Variants in GRID2 observed in about 807,000 individuals in gnomAD.
GRID2 encodes glutamate receptor ionotropic, delta-2.
GRID2 carries 33 observed loss-of-function variants against 114.8 expected under a neutral mutation model. The observed-to-expected ratio is 0.29, with a 90% confidence interval of 0.22 to 0.38. The LOEUF is 0.38. GRID2 is among the 10% of genes least tolerant of loss of function. The probability of loss-of-function intolerance (pLI) is 1.00; values close to 1 mark genes in which losing one functional copy is unlikely to be tolerated. For synonymous variants in GRID2, 505 were observed against 449.9 expected (o/e 1.12, Z -1.55); for missense variants, 1,184 against 1,257.7 (o/e 0.94, Z 0.89).
chr4:92,317,258 C>T (rs1346610230), intron 1 of GRID2, among the ~76,000 whole-genome samples: 5 of 152,190 alleles, frequency 3.3e-5, no homozygotes, highest in Non-Finnish European at 7.3e-5. Context: ...ACATTTATGA[C>T]ATTTGACATT....
chr4:93,524,088 C>A (rs1730601121), intron 13 of GRID2, among the ~76,000 whole-genome samples: 2 of 152,082 alleles, frequency 1.3e-5, no homozygotes, highest in South Asian at 2.1e-4. Flanking sequence ...TAGTGAGCAA[C>A]TTGCTAATAT....
intron 1 of GRID2, among the ~76,000 whole-genome samples, chr4:92,544,639 C>G (rs1726148820): frequency 6.6e-6 from 1 of 152,072 alleles, no homozygotes; most frequent in Non-Finnish European, 1.5e-5. Flanking sequence ...CTTTTCATTT[C>G]CAGAAGAGAG....
At chr4:93,106,289 T>A (rs1732223653) in intron 3 of GRID2, among the ~76,000 whole-genome samples, 1 of 152,166 alleles carries the variant, frequency 6.6e-6, no homozygotes, top group South Asian at 2.1e-4. Context: ...TGTGGCTGAA[T>A]GATTGTGATG....
intron 1 of GRID2, among the ~76,000 whole-genome samples, chr4:92,377,575 A>T (rs1729414694): frequency 1.3e-5 from 2 of 152,100 alleles, no homozygotes; most frequent in African/African-American, 2.4e-5. Flanking sequence ...CACTCTACTC[A>T]TAGCAATTTA....
At position 93,618,183 on chromosome 4, in the gene GRID2, G is replaced by T. The variant is rs151197886; in HGVS notation, c.2194-8086G>T. On this transcript the variant is annotated intron_variant, in intron 13 of 15. Transcript: ENST00000282020. ...TCAATACTTTGGTTGAGAAACTGGGGCTGGATTATTTGTTGTAGCCTCAAA... is the reference window on the plus strand; with the variant it reads ...TCAATACTTTGGTTGAGAAACTGGGTCTGGATTATTTGTTGTAGCCTCAAA... 1.1e-4 allele frequency among the ~76,000 whole-genome samples: 17 copies of T among 152,290 alleles called. No individual in the cohort carries two copies. The East Asian group carries it at 1.4e-3, about 12-fold the overall frequency.
intron 2 of GRID2, among the ~76,000 whole-genome samples, chr4:93,040,833 A>G (rs1725443230): frequency 6.6e-6 from 1 of 151,758 alleles, no homozygotes; most frequent in African/African-American, 2.4e-5. Flanking sequence ...ATTTTAAGAA[A>G]TTTTCGAGGT....
At chr4:92,889,334 T>C (rs2149467185) in intron 2 of GRID2, among the ~76,000 whole-genome samples, 1 of 152,250 alleles carries the variant, frequency 6.6e-6, no homozygotes, top group Non-Finnish European at 1.5e-5. Flanking sequence ...ATTGTCTCTG[T>C]TTGCAGATGA....
chr4:93,472,233 A>C (rs953112943), intron 11 of GRID2, among the ~76,000 whole-genome samples: 1 of 151,814 alleles, frequency 6.6e-6, no homozygotes, highest in Non-Finnish European at 1.5e-5. Context: ...CTGAGGCAGG[A>C]GAATCATTGA....
chr4:92,720,302 A>G (rs982173362), intron 2 of GRID2, among the ~76,000 whole-genome samples: 15 of 152,096 alleles, frequency 9.9e-5, no homozygotes, highest in Admixed American at 5.2e-4. Flanking sequence ...ATTTATCCTT[A>G]GTCTAAATTG....
intron 2 of GRID2, chr4:92,822,558 G>T: frequency 3.7e-6 from 1 of 270,508 alleles, no homozygotes; most frequent in Non-Finnish European, 7.4e-6. Flanking sequence ...TTTATCTCAG[G>T]ATCTAGAGAC....
At chr4:92,695,909 T>C (rs1734403804) in intron 2 of GRID2, among the ~76,000 whole-genome samples, 1 of 152,186 alleles carries the variant, frequency 6.6e-6, no homozygotes, top group African/African-American at 2.4e-5. Context: ...GATGATTTAG[T>C]GTACGATATA....
intron 2 of GRID2, among the ~76,000 whole-genome samples, chr4:92,958,021 A>G (rs1752532259): frequency 6.6e-6 from 1 of 152,054 alleles, no homozygotes; most frequent in South Asian, 2.1e-4. Flanking sequence ...CACTGCTATA[A>G]TCACTTGTTA....
chr4:92,927,220 T>A (rs1043105898), intron 2 of GRID2, among the ~76,000 whole-genome samples: 3 of 151,898 alleles, frequency 2.0e-5, no homozygotes, highest in Non-Finnish European at 4.4e-5. Context: ...AGAAGTTTTA[T>A]TTCATAAGAG....
chr4:93,594,529 G>GA (rs1263892790), intron 13 of GRID2, among the ~76,000 whole-genome samples: 2 of 151,558 alleles, frequency 1.3e-5, no homozygotes, highest in Non-Finnish European at 3.0e-5. Context: ...CCTGCCCCCA[G>GA]AGGTGGAGCC....
intron 8 of GRID2, among the ~76,000 whole-genome samples, chr4:93,328,776 T>G (rs1758128043): frequency 6.6e-6 from 1 of 151,896 alleles, no homozygotes; most frequent in African/African-American, 2.4e-5. Context: ...GTGGAGCTGC[T>G]CAGGATCAGT....
At chr4:92,912,609 C>T (rs1748474880) in intron 2 of GRID2, among the ~76,000 whole-genome samples, 2 of 151,900 alleles carry the variant, frequency 1.3e-5, no homozygotes, top group South Asian at 4.1e-4. Flanking sequence ...AATAGAGTTT[C>T]AAGAAGTACT....
intron 13 of GRID2, among the ~76,000 whole-genome samples, chr4:93,614,282 C>G (rs1225212476): frequency 6.6e-6 from 1 of 152,224 alleles, no homozygotes; most frequent in Admixed American, 6.5e-5. Context: ...CTGCGTCGCT[C>G]ACGCTGGGAG....
intron 8 of GRID2, among the ~76,000 whole-genome samples, chr4:93,291,173 G>A (rs1205417478): frequency 2.7e-5 from 4 of 149,916 alleles, no homozygotes; most frequent in Admixed American, 2.0e-4. Context: ...GTGCCCGGCC[G>A]GCATACAAGT....
intron 11 of GRID2, among the ~76,000 whole-genome samples, chr4:93,470,893 A>T (rs1724739078): frequency 7.1e-6 from 1 of 141,028 alleles, no homozygotes; most frequent in Admixed American, 6.9e-5. Flanking sequence ...ACATTGTTAT[A>T]TTTTCTTTTC....
Sources: gnomAD v4.1 joint callset for allele counts (sites outside exome capture counted in the v4.1 genomes callset) on GRCh38, gnomAD v4.1.1 for gene constraint, MANE v1.5 for transcripts, NCBI Gene and HGNC (gene_info 2026-07-23, HGNC 2026-07-21) for gene names.